The following CMIP variants were observed in gnomAD, a reference collection of about 807,000 sequenced individuals.
The protein encoded by CMIP is c-Maf inducing protein.
A neutral mutation model predicts 97.3 loss-of-function variants in CMIP; 13 were observed. That is an observed-to-expected ratio of 0.13 (90% CI 0.09 to 0.21). CMIP has a LOEUF of 0.21. CMIP is among the 10% of genes least tolerant of loss of function. The pLI is 1.00. For synonymous variants in CMIP, 538 were observed against 436.3 expected (o/e 1.23, Z -2.91); for missense variants, 847 against 1,024.9 (o/e 0.83, Z 2.37).
rs2091879544 is a variant in CMIP, at chr16:81,614,394, G to A, written c.427-6482G>A. Among the ~76,000 whole-genome samples, 2 of 152,174 alleles carry A rather than the reference G, an allele frequency of 1.3e-5. No homozygotes were observed. Among genetic ancestry groups the A allele is most frequent in the African/African-American group, 2.4e-5 (1 of 41,430 alleles). ...TGCACGGGTTCTCAGGGGCTCCCAC[G>A]CGCGGGCCACGGGTCACTTCAGCAT... On this transcript the variant is annotated intron_variant, in intron 2 of 20. Transcript: ENST00000537098. The surrounding 1 kb of genome is among the most constrained non-coding windows in gnomAD (Gnocchi z 5.3).
Position 81,490,535 on chromosome 16 carries a change from G to C in CMIP, c.300+44994G>C, listed in dbSNP as rs979435318. Among the ~76,000 whole-genome samples the C allele has an allele frequency of 2.0e-5, 3 of 152,202 alleles. No individual in the cohort carries two copies. The East Asian group carries it at 5.8e-4, about 29-fold the overall frequency. On this transcript the variant is annotated intron_variant, in intron 1 of 20. Transcript: ENST00000537098. The stretch of plus-strand genomic sequence containing the variant: ...CTCGGGCGGCTGAGGCAGGAGAATT[G>C]CTTGAACCCGAGAGGTGGAGGTTGC...
intron 3 of CMIP, among the ~76,000 whole-genome samples, chr16:81,630,020 A>G (rs1245504745): frequency 3.3e-5 from 5 of 152,304 alleles, no homozygotes; most frequent in Non-Finnish European, 7.4e-5. Flanking sequence ...TCCCAAAATA[A>G]TACTTTCTGC....
At chr16:81,494,145 G>A (rs1388723715) in intron 1 of CMIP, among the ~76,000 whole-genome samples, 1 of 152,180 alleles carries the variant, frequency 6.6e-6, no homozygotes, top group Non-Finnish European at 1.5e-5. Flanking sequence ...GTCCTTGCCT[G>A]CTGAGCAGTC....
At chr16:81,622,556 G>A (rs1056643392) in intron 3 of CMIP, among the ~76,000 whole-genome samples, 5 of 152,138 alleles carry the variant, frequency 3.3e-5, no homozygotes, top group African/African-American at 1.2e-4. Context: ...TTTTACTTGT[G>A]GGGCCTCAGA....
intron 17 of CMIP, 59 bp downstream of exon 17, chr16:81,702,728 T>G (rs1907559904): frequency 6.7e-7 from 1 of 1,487,964 alleles, no homozygotes; most frequent in South Asian, 1.2e-5. Context: ...TCCTCTCTGT[T>G]GGGGAACGGC....
chr16:81,572,069 G>A (rs973307720), intron 1 of CMIP, among the ~76,000 whole-genome samples: 2 of 152,226 alleles, frequency 1.3e-5, no homozygotes, highest in African/African-American at 4.8e-5. Context: ...GGGTGACTTT[G>A]ATGTCGTGTT....
At chr16:81,593,170 C>T (rs72829083) in intron 1 of CMIP, among the ~76,000 whole-genome samples, 3 of 152,292 alleles carry the variant, frequency 2.0e-5, no homozygotes, top group Admixed American at 6.5e-5. Context: ...GCCTCTTGAC[C>T]GTCTCCACAG....
At chr16:81,589,975 G>A (rs995950068) in intron 1 of CMIP, among the ~76,000 whole-genome samples, 2 of 152,206 alleles carry the variant, frequency 1.3e-5, no homozygotes, top group African/African-American at 4.8e-5. Flanking sequence ...GTGGGGGATG[G>A]ATTGATGGGG....
rs201254432 is a variant in CMIP, at chr16:81,504,639, C to G, written c.300+59098C>G. 3.3e-4 allele frequency among the ~76,000 whole-genome samples: 11 copies of G among 33,246 alleles called. No homozygotes were observed. In the East Asian group the frequency reaches 6.4e-3, roughly 19 times the overall value. The allele number at this position is 33,246 out of a possible 152,430, so 21.8% of individuals were successfully genotyped here. ...GCCTCGGCGACAGAGTGAGACTCGTCTCAAAAAAAAAAAAAAAAAAAAAAA... is the reference window on the plus strand; with the variant it reads ...GCCTCGGCGACAGAGTGAGACTCGTGTCAAAAAAAAAAAAAAAAAAAAAAA... On this transcript the variant is annotated intron_variant, in intron 1 of 20. Coordinates refer to ENST00000537098, the MANE Select transcript of CMIP (RefSeq NM_198390.3).
At chr16:81,681,939 T>C (rs1007253872) in intron 10 of CMIP, among the ~76,000 whole-genome samples, 1 of 152,190 alleles carries the variant, frequency 6.6e-6, no homozygotes, top group Non-Finnish European at 1.5e-5. Flanking sequence ...CCTGGTGCGG[T>C]GGCTCACGCC....
chr16:81,633,198 A>G (rs1208849372), intron 3 of CMIP, among the ~76,000 whole-genome samples: 2 of 152,236 alleles, frequency 1.3e-5, no homozygotes, highest in Non-Finnish European at 2.9e-5. Flanking sequence ...CGTCTTGATG[A>G]GCAAGATCTT....
intron 3 of CMIP, among the ~76,000 whole-genome samples, chr16:81,634,238 G>A (rs1183727616): frequency 6.6e-6 from 1 of 152,224 alleles, no homozygotes; most frequent in Non-Finnish European, 1.5e-5. Context: ...AACATCTATT[G>A]AGTGCCTACT....
chr16:81,484,081 G>A (rs961280312), intron 1 of CMIP, among the ~76,000 whole-genome samples: 18 of 152,066 alleles, frequency 1.2e-4, no homozygotes, highest in African/African-American at 4.1e-4. Context: ...ATTCATTGGC[G>A]GACAAACCAG....
chr16:81,664,708 T>A (rs942334195), intron 7 of CMIP: 2 of 453,782 alleles, frequency 4.4e-6, no homozygotes, highest in Non-Finnish European at 7.7e-6. Context: ...CACAGCGAGG[T>A]CCTTCCAGAG....
chr16:81,491,283 C>T (rs780512190), intron 1 of CMIP, among the ~76,000 whole-genome samples: 1 of 152,162 alleles, frequency 6.6e-6, no homozygotes, highest in Non-Finnish European at 1.5e-5. Flanking sequence ...CTGGGCCAGC[C>T]CTTGCCTTTT....
intron 1 of CMIP, among the ~76,000 whole-genome samples, chr16:81,456,798 G>A (rs980381818): frequency 1.3e-5 from 2 of 152,208 alleles, no homozygotes; most frequent in Non-Finnish European, 2.9e-5. Context: ...GGCTGGCTGT[G>A]AGCTGAGAGG....
chr16:81,679,741 A>G (rs1904676502), intron 10 of CMIP, among the ~76,000 whole-genome samples: 1 of 151,902 alleles, frequency 6.6e-6, no homozygotes, highest in Non-Finnish European at 1.5e-5. Context: ...TCTAGGGTGG[A>G]GGGGAGTACA....
rs112190057 is a variant in CMIP, at chr16:81,578,669, TAA to T, written c.301-28896_301-28895del. ...AGGATGTTCTTCCCAGCCAGTTGGA[TAA>T]AGACATTTTGGTTTTTTGCACGTGG... is the stretch of plus-strand genomic sequence containing the variant. On this transcript the variant is annotated intron_variant, in intron 1 of 20. Coordinates refer to ENST00000537098, the MANE Select transcript of CMIP (RefSeq NM_198390.3). 5.4e-4 allele frequency among the ~76,000 whole-genome samples: 83 copies of T among 152,342 alleles called. 1 individual carries two copies. Among genetic ancestry groups the T allele is most frequent in the African/African-American group, 1.9e-3 (80 of 41,576 alleles).
chr16:81,550,821 A>G (rs572546078), intron 1 of CMIP, among the ~76,000 whole-genome samples: 1 of 151,578 alleles, frequency 6.6e-6, no homozygotes, highest in South Asian at 2.1e-4. Flanking sequence ...TCCTAACCCC[A>G]TTCTGTGCCC....
Sources: gnomAD v4.1 joint callset for allele counts (sites outside exome capture counted in the v4.1 genomes callset) on GRCh38, gnomAD v4.1.1 for gene constraint, Gnocchi (gnomAD v3.1) non-coding constraint, MANE v1.5 for transcripts, NCBI Gene and HGNC (gene_info 2026-07-23, HGNC 2026-07-21) for gene names.